Variants in TTC21B observed in about 807,000 individuals in gnomAD.
TTC21B encodes the protein tetratricopeptide repeat protein 21B.
In TTC21B, 127 loss-of-function variants were observed where a neutral mutation model predicts 175.1. That is an observed-to-expected ratio of 0.73 (90% CI 0.63 to 0.84). TTC21B has a LOEUF of 0.84. Ranked by LOEUF, TTC21B falls within the 40% of genes least tolerant of loss-of-function variation. The pLI, the probability that TTC21B is intolerant of heterozygous loss-of-function variation, is 0.00. For missense variants in TTC21B, 1,561 were observed against 1,558.3 expected (o/e 1.00, Z -0.03); for synonymous variants, 524 against 524.5 (o/e 1.00, Z 0.01).
intron 24 of TTC21B, among the ~76,000 whole-genome samples, chr2:165,889,770 A>G (rs1335251005): frequency 1.3e-5 from 2 of 152,144 alleles, no homozygotes; most frequent in East Asian, 1.9e-4. Flanking sequence ...ACAATACTTA[A>G]TATCTATTTA....
intron 1 of TTC21B, chr2:165,950,032 C>A (rs1326890793): frequency 5.9e-5 from 10 of 169,080 alleles, no homozygotes; most frequent in African/African-American, 1.9e-4. Flanking sequence ...TTTTCTTGAA[C>A]GTTTTAGAAA....
At chr2:165,883,733 T>G in intron 26 of TTC21B, 61 bp downstream of exon 26, 1 of 1,309,468 alleles carries the variant, frequency 7.6e-7, no homozygotes, top group Non-Finnish European at 1.1e-6. Context: ...CTCAACAATA[T>G]CTATATGGAA....
At chr2:165,945,492 T>C in intron 4 of TTC21B, 32 bp downstream of exon 4, 13 of 1,587,866 alleles carry the variant, frequency 8.2e-6, no homozygotes, top group Non-Finnish European at 1.1e-5. Context: ...CATTTTTTAA[T>C]GTTATTATTT....
intron 8 of TTC21B, among the ~76,000 whole-genome samples, chr2:165,931,254 C>A (rs978878914): frequency 6.6e-6 from 1 of 151,960 alleles, no homozygotes; most frequent in Non-Finnish European, 1.5e-5. Flanking sequence ...TCAATATTCT[C>A]ATTCCTTGTA....
chr2:165,940,525 G>T (rs1386513745), intron 6 of TTC21B, among the ~76,000 whole-genome samples: 1 of 152,034 alleles, frequency 6.6e-6, no homozygotes, highest in African/African-American at 2.4e-5. Flanking sequence ...CCACCTCGGG[G>T]ACTCTGCATT....
intron 12 of TTC21B, among the ~76,000 whole-genome samples, chr2:165,920,745 C>T (rs867346730): frequency 2.2e-5 from 3 of 135,934 alleles, no homozygotes; most frequent in Non-Finnish European, 3.2e-5. Context: ...GGGTAGGATA[C>T]TAAATATTTA....
At chr2:165,904,308 T>C (rs1166993463) in intron 19 of TTC21B, among the ~76,000 whole-genome samples, 2 of 152,164 alleles carry the variant, frequency 1.3e-5, no homozygotes, top group African/African-American at 2.4e-5. Flanking sequence ...ATTAATATTG[T>C]TTAAGATTAC....
chr2:165,906,493 A>G (rs1453199226), intron 19 of TTC21B, among the ~76,000 whole-genome samples: 1 of 152,226 alleles, frequency 6.6e-6, no homozygotes, highest in East Asian at 1.9e-4. Flanking sequence ...AAAAGATATA[A>G]TAAACAAGTT....
chr2:165,919,361 A>C lies in TTC21B; in HGVS notation c.1589T>G (p.Leu530Arg), dbSNP rs768319145. The C allele has an allele frequency of 6.2e-7, 1 of 1,614,094 alleles. No homozygotes were observed. The highest frequency in any genetic ancestry group is 8.5e-7 in the Non-Finnish European group (1 of 1,179,942). Reference protein sequence around the residue: ...EHNPSYADAHLLLAQVYLSQE... With the variant: ...EHNPSYADAHRLLAQVYLSQE... ...AGACAAGTAAACCTGAGCTAGCAGCAGATGAGCATCAGCATAAGAGGGATT... is the reference window on the plus strand; with the variant it reads ...AGACAAGTAAACCTGAGCTAGCAGCCGATGAGCATCAGCATAAGAGGGATT... The change falls in exon 13 of 29, where the codon CTG (leucine) becomes CGG (arginine). Residue 530 changes from leucine (L) to arginine (R), a missense_variant. Coordinates refer to ENST00000243344, the MANE Select transcript of TTC21B (RefSeq NM_024753.5).
At chr2:165,934,496 GTC>G (rs1242829482) in intron 6 of TTC21B, among the ~76,000 whole-genome samples, 1 of 74,424 alleles carries the variant, frequency 1.3e-5, no homozygotes, top group Non-Finnish European at 2.3e-5. Flanking sequence ...GCGAGACTCT[GTC>G]TCAAAAAAAA....
At chr2:165,934,453 G>C (rs1687036968) in intron 6 of TTC21B, among the ~76,000 whole-genome samples, 1 of 130,586 alleles carries the variant, frequency 7.7e-6, no homozygotes. Flanking sequence ...AGGGAGCCAA[G>C]ATCGCGCCAT....
chr2:165,947,499 A>G (rs1348271007), intron 3 of TTC21B: 1 of 151,438 alleles, frequency 6.6e-6, no homozygotes, highest in African/African-American at 2.4e-5. Context: ...CACCCCTACA[A>G]CCCCTTCAGA....
chr2:165,934,367 T>C (rs10221772), intron 6 of TTC21B, among the ~76,000 whole-genome samples: 144,809 of 151,684 alleles, frequency 0.95, 69,465 homozygotes, highest in South Asian at 1. Flanking sequence ...CAGGGCGTGG[T>C]GGTGGGTGCC....
intron 22 of TTC21B, among the ~76,000 whole-genome samples, chr2:165,896,404 A>C (rs973861641): frequency 6.6e-6 from 1 of 152,062 alleles, no homozygotes; most frequent in Non-Finnish European, 1.5e-5. Flanking sequence ...AAATTCTGGA[A>C]ACACAGCAGT....
intron 12 of TTC21B, among the ~76,000 whole-genome samples, chr2:165,921,692 G>A (rs939751531): frequency 1.3e-5 from 2 of 151,796 alleles, no homozygotes; most frequent in Non-Finnish European, 2.9e-5. Context: ...ACTCCAACTA[G>A]TTGGTGTCAG....
At chr2:165,912,120 A>G (rs537285557) in intron 17 of TTC21B, among the ~76,000 whole-genome samples, 9 of 152,342 alleles carry the variant, frequency 5.9e-5, no homozygotes, top group East Asian at 5.8e-4. Flanking sequence ...GGGCAAGAAT[A>G]TAACAGTTCA....
At position 165,953,176 on chromosome 2, in the gene TTC21B, G is replaced by T. The variant is rs544981583; in HGVS notation, c.21+509C>A. On this transcript the variant is annotated intron_variant, in intron 1 of 28. Transcript: ENST00000243344. ...GTTTTATATCAGCCTTTCTTAAGTT[G>T]ACCGTCATTAATATTTGCTGAATGA... 2.0e-5 allele frequency among the ~76,000 whole-genome samples: 3 copies of T among 152,214 alleles called. No individual in the cohort carries two copies. In the South Asian group the frequency reaches 6.2e-4, roughly 32 times the overall value.
At chr2:165,897,604 T>C (rs1166116382) in intron 22 of TTC21B, among the ~76,000 whole-genome samples, 3 of 151,988 alleles carry the variant, frequency 2.0e-5, no homozygotes, top group Non-Finnish European at 4.4e-5. Context: ...GAGGCAGAGG[T>C]GTACATGAGT....
intron 3 of TTC21B, chr2:165,947,099 C>G (rs1687596924): frequency 6.9e-6 from 1 of 145,766 alleles, no homozygotes; most frequent in African/African-American, 2.6e-5. Context: ...ATACTGACTG[C>G]TCCCTTAAAT....
Sources: gnomAD v4.1 joint callset for allele counts (sites outside exome capture counted in the v4.1 genomes callset) on GRCh38, gnomAD v4.1.1 for gene constraint, MANE v1.5 for transcripts, NCBI Gene and HGNC (gene_info 2026-07-23, HGNC 2026-07-21) for gene names.